SLC5A4: variants seen among roughly 807,000 people sequenced by gnomAD.
SLC5A4 encodes the protein solute carrier family 5 member 4.
A neutral mutation model predicts 70.3 loss-of-function variants in SLC5A4; 55 were observed. The ratio of observed to expected loss-of-function variants is 0.78; its 90% CI spans 0.63 to 0.98. SLC5A4 has a LOEUF of 0.98. Ranked by LOEUF, SLC5A4 falls within the 50% of genes least tolerant of loss-of-function variation. The pLI, the probability that SLC5A4 is intolerant of heterozygous loss-of-function variation, is 0.00. For missense variants in SLC5A4, 735 were observed against 839.2 expected, an observed-to-expected ratio of 0.88 and a Z score of 1.53; for synonymous variants, 268 against 305.7, an observed-to-expected ratio of 0.88 and a Z score of 1.29.
chr22:32,339,012 G>T, the SLC5A4 span, among the ~76,000 whole-genome samples: 1 of 152,188 alleles, frequency 6.6e-6, no homozygotes, highest in African/African-American at 2.4e-5. Flanking sequence ...GTAGGGAAAT[G>T]ACTGCATGAA....
chr22:32,344,821 C>T, the SLC5A4 span, among the ~76,000 whole-genome samples: 2 of 152,224 alleles, frequency 1.3e-5, no homozygotes, highest in African/African-American at 4.8e-5. Context: ...ATATTGTACA[C>T]ATTCCCCACC....
the SLC5A4 span, among the ~76,000 whole-genome samples, chr22:32,331,373 G>A: frequency 3.9e-5 from 6 of 152,010 alleles, no homozygotes; most frequent in Non-Finnish European, 7.4e-5. Flanking sequence ...GCGAGATGGC[G>A]GCACGGGGGA....
the SLC5A4 span, among the ~76,000 whole-genome samples, chr22:32,346,074 A>G: frequency 2.6e-5 from 4 of 152,200 alleles, no homozygotes; most frequent in East Asian, 5.8e-4. Flanking sequence ...AATTTAAAGC[A>G]GGATATACTG....
chr22:32,256,780 A>G (rs1453540305), upstream of SLC5A4, among the ~76,000 whole-genome samples: 3 of 152,196 alleles, frequency 2.0e-5, no homozygotes, highest in East Asian at 1.9e-4. Flanking sequence ...TAATATTCCA[A>G]TACTCATATA....
At chr22:32,315,252 T>C in the SLC5A4 span, among the ~76,000 whole-genome samples, 1 of 149,294 alleles carries the variant, frequency 6.7e-6, no homozygotes, top group Non-Finnish European at 1.5e-5. Context: ...AATCTAAAGA[T>C]TATGACCATC....
intron 2 of SLC5A4, among the ~76,000 whole-genome samples, chr22:32,252,701 C>T (rs1927242704): frequency 6.6e-6 from 1 of 152,186 alleles, no homozygotes; most frequent in Non-Finnish European, 1.5e-5. Context: ...CCAAGCACTG[C>T]CAGATCTCCC....
the SLC5A4 span, among the ~76,000 whole-genome samples, chr22:32,329,832 G>A: frequency 1.9e-5 from 1 of 53,330 alleles, no homozygotes. Context: ...TGTGTTGGGG[G>A]CTCTGGTGTG....
the SLC5A4 span, among the ~76,000 whole-genome samples, chr22:32,308,056 TATTC>T: frequency 6.6e-6 from 1 of 152,230 alleles, no homozygotes; most frequent in Middle Eastern, 3.4e-3. Context: ...CCAGGTCTGT[TATTC>T]CTTCCTTCCT....
chr22:32,266,892 T>C, the SLC5A4 span, among the ~76,000 whole-genome samples: 1 of 152,246 alleles, frequency 6.6e-6, no homozygotes, highest in Non-Finnish European at 1.5e-5. Flanking sequence ...CTCTTCTAAA[T>C]GTGGATCTTC....
chr22:32,228,952 G>T (rs1450296276), intron 11 of SLC5A4, among the ~76,000 whole-genome samples: 3 of 152,094 alleles, frequency 2.0e-5, no homozygotes, highest in Non-Finnish European at 4.4e-5. Flanking sequence ...GTGAGGAGGG[G>T]AAGAAATAAG....
chr22:32,280,549 C>T, the SLC5A4 span, among the ~76,000 whole-genome samples: 1 of 152,160 alleles, frequency 6.6e-6, no homozygotes, highest in African/African-American at 2.4e-5. Context: ...CTGCTAAGCA[C>T]GAGCTGGACT....
chr22:32,230,675 T>G (rs913084743), intron 10 of SLC5A4, among the ~76,000 whole-genome samples: 1 of 152,262 alleles, frequency 6.6e-6, no homozygotes, highest in African/African-American at 2.4e-5. Context: ...GTTTACAAGT[T>G]TATGACTATG....
chr22:32,225,349 T>G (rs181518860), intron 12 of SLC5A4, among the ~76,000 whole-genome samples: 399 of 152,324 alleles, frequency 2.6e-3, no homozygotes, highest in African/African-American at 8.9e-3. Context: ...TTGCTTAGGA[T>G]CACAATACGA....
the SLC5A4 span, among the ~76,000 whole-genome samples, chr22:32,330,825 G>GGT: frequency 5.3e-3 from 425 of 80,278 alleles, 19 homozygotes; most frequent in African/African-American, 0.017. Context: ...GGGAGGCTCT[G>GGT]GTGTGTGTGT....
At chr22:32,351,752 GGGGGGGTGGGC>G in the SLC5A4 span, among the ~76,000 whole-genome samples, 2 of 60,566 alleles carry the variant, frequency 3.3e-5, no homozygotes, top group African/African-American at 2.2e-4. Context: ...GGAGGGCGGG[GGGGGGGTGGGC>G]GGGTGGAATA....
chr22:32,272,428 C>T, the SLC5A4 span: 1 of 874,266 alleles, frequency 1.1e-6, no homozygotes, highest in Non-Finnish European at 1.9e-6. Context: ...CGACAGGCAG[C>T]TCTACATCCA....
At chr22:32,353,767 C>T in the SLC5A4 span, among the ~76,000 whole-genome samples, 5 of 151,432 alleles carry the variant, frequency 3.3e-5, no homozygotes, top group Non-Finnish European at 2.9e-5. Context: ...CAGTGCAGCC[C>T]GGGATAGCGC....
chr22:32,225,182 T>A (rs1925318424), intron 12 of SLC5A4, among the ~76,000 whole-genome samples: 1 of 152,222 alleles, frequency 6.6e-6, no homozygotes, highest in East Asian at 1.9e-4. Flanking sequence ...AATCAATTAA[T>A]TACATATATC....
chr22:32,225,913 C>T, intron 11 of SLC5A4, 90 bp from the exon 12 acceptor site: 1 of 885,954 alleles, frequency 1.1e-6, no homozygotes, highest in Non-Finnish European at 1.7e-6. Context: ...TTCTTGTTGT[C>T]ACTCATTGAT....
Sources: allele counts gnomAD v4.1 joint callset (sites outside exome capture counted in the v4.1 genomes callset), GRCh38; gene constraint gnomAD v4.1.1; transcripts MANE v1.5; gene names NCBI Gene and HGNC (gene_info 2026-07-23, HGNC 2026-07-21).